ADARB2: variants seen among roughly 807,000 people sequenced by gnomAD.
ADARB2 encodes the protein inactive double-stranded RNA-specific editase B2.
A neutral mutation model predicts 62.2 loss-of-function variants in ADARB2; 25 were observed. The ratio of observed to expected loss-of-function variants is 0.40; its 90% CI spans 0.29 to 0.56. The LOEUF (loss-of-function observed/expected upper bound fraction) is 0.56. ADARB2 is among the 20% of genes least tolerant of loss of function. The pLI is 0.43. For missense variants in ADARB2, 1,071 were observed against 1,077.4 expected, an observed-to-expected ratio of 0.99 and a Z score of 0.08; for synonymous variants, 572 against 500.8, an observed-to-expected ratio of 1.14 and a Z score of -1.90.
intron 1 of ADARB2, among the ~76,000 whole-genome samples, chr10:1,527,832 G>A (rs1832168774): frequency 6.6e-6 from 1 of 152,154 alleles, no homozygotes; most frequent in Non-Finnish European, 1.5e-5. Context: ...AGGGGAGAGG[G>A]GCCCAGCTGC....
chr10:1,400,643 G>A (rs370678453), intron 1 of ADARB2, among the ~76,000 whole-genome samples: 2 of 152,284 alleles, frequency 1.3e-5, no homozygotes, highest in African/African-American at 4.8e-5. Context: ...CTGCCAGCCC[G>A]TGCTCCTCCT....
chr10:1,274,060 C>T (rs920546628), intron 3 of ADARB2, among the ~76,000 whole-genome samples: 3 of 152,240 alleles, frequency 2.0e-5, no homozygotes, highest in Non-Finnish European at 2.9e-5. Context: ...AAAGCCTTGT[C>T]CAAAGCTGAT....
chr10:1,543,587 C>T lies in ADARB2; in HGVS notation c.101-164427G>A, dbSNP rs902571333. Among the ~76,000 whole-genome samples the T allele has an allele frequency of 5.9e-5, 9 of 152,138 alleles. 1 individual carries two copies. The highest frequency in any genetic ancestry group is 3.9e-4 in the Admixed American group (6 of 15,278). On this transcript the variant is annotated intron_variant, in intron 1 of 9. Transcript: ENST00000381312. ...GCTATTGGCGTCTCCCACACACCCTCGCAGATGAAGAGATTTCAACTGGAA... is the reference window on the plus strand; with the variant it reads ...GCTATTGGCGTCTCCCACACACCCTTGCAGATGAAGAGATTTCAACTGGAA...
intron 3 of ADARB2, among the ~76,000 whole-genome samples, chr10:1,328,996 TAAAA>T (rs376461606): frequency 1.3e-5 from 1 of 75,678 alleles, no homozygotes; most frequent in Non-Finnish European, 2.4e-5. Context: ...GACCCTGTCT[TAAAA>T]AAAAAAAAAA....
At chr10:1,649,813 C>G (rs1351961027) in intron 1 of ADARB2, among the ~76,000 whole-genome samples, 3 of 152,208 alleles carry the variant, frequency 2.0e-5, no homozygotes, top group Non-Finnish European at 4.4e-5. Context: ...TGTATCTATT[C>G]AGGCAGAGGA....
At chr10:1,482,254 G>A (rs1236185428) in intron 1 of ADARB2, among the ~76,000 whole-genome samples, 2 of 152,210 alleles carry the variant, frequency 1.3e-5, no homozygotes, top group Admixed American at 1.3e-4. Context: ...ATAATTGAAA[G>A]TGGGGCTAGA....
At chr10:1,392,881 A>C (rs1832582276) in intron 1 of ADARB2, among the ~76,000 whole-genome samples, 1 of 152,182 alleles carries the variant, frequency 6.6e-6, no homozygotes, top group Non-Finnish European at 1.5e-5. Context: ...TTCATGCTGA[A>C]GTCTAACCCC....
At chr10:1,603,099 CA>C (rs1211786441) in intron 1 of ADARB2, among the ~76,000 whole-genome samples, 2 of 77,840 alleles carry the variant, frequency 2.6e-5, no homozygotes, top group African/African-American at 3.8e-5. Flanking sequence ...ATACACACAT[CA>C]ACACACACAC....
chr10:1,471,105 C>T (rs1205604936), intron 1 of ADARB2, among the ~76,000 whole-genome samples: 1 of 152,108 alleles, frequency 6.6e-6, no homozygotes, highest in Non-Finnish European at 1.5e-5. Context: ...TTCTTAACAG[C>T]CTGGCAACCT....
chr10:1,474,001 CG>C (rs1831363239), intron 1 of ADARB2, among the ~76,000 whole-genome samples: 1 of 5,718 alleles, frequency 1.7e-4, no homozygotes, highest in South Asian at 7.5e-3. Context: ...CCCCGGATCA[CG>C]GGGGAGCCCT....
At chr10:1,651,864 G>T (rs950671092) in intron 1 of ADARB2, among the ~76,000 whole-genome samples, 8 of 152,142 alleles carry the variant, frequency 5.3e-5, no homozygotes, top group African/African-American at 1.7e-4. Context: ...ACCCAGGGTT[G>T]GTTCCCAGTG....
intron 8 of ADARB2, chr10:1,199,634 TGGGCAGGTG>T (rs1405426987): frequency 7.9e-6 from 2 of 252,114 alleles, no homozygotes; most frequent in African/African-American, 4.6e-5. Flanking sequence ...GGTGGGCAGG[TGGGCAGGTG>T]GGCGGCCAGG....
chr10:1,571,795 G>A (rs1013214901), intron 1 of ADARB2, among the ~76,000 whole-genome samples: 2 of 70,632 alleles, frequency 2.8e-5, no homozygotes, highest in African/African-American at 1.9e-4. Flanking sequence ...ATATGCTGGT[G>A]AGTGGACAGG....
intron 4 of ADARB2, among the ~76,000 whole-genome samples, chr10:1,247,707 A>T (rs1442387931): frequency 6.6e-6 from 1 of 152,198 alleles, no homozygotes; most frequent in Non-Finnish European, 1.5e-5. Flanking sequence ...CAGCATTCAG[A>T]TAAACACGCT....
At chr10:1,705,789 T>C (rs2119145907) in intron 1 of ADARB2, among the ~76,000 whole-genome samples, 1 of 152,270 alleles carries the variant, frequency 6.6e-6, no homozygotes, top group Admixed American at 6.5e-5. Flanking sequence ...TCCGCCTCTG[T>C]GGATAATGAC....
At chr10:1,214,685 T>G (rs2131752382) in intron 7 of ADARB2, among the ~76,000 whole-genome samples, 1 of 152,388 alleles carries the variant, frequency 6.6e-6, no homozygotes, top group East Asian at 1.9e-4. Flanking sequence ...AGAGTAAATT[T>G]AGAAACCCAA....
At chr10:1,676,354 G>T (rs1564365194) in intron 1 of ADARB2, among the ~76,000 whole-genome samples, 1 of 151,972 alleles carries the variant, frequency 6.6e-6, no homozygotes, top group Non-Finnish European at 1.5e-5. Flanking sequence ...AGATAGTCCT[G>T]GCTTGTGAAC....
At chr10:1,268,043 G>C (rs1310679071) in intron 4 of ADARB2, among the ~76,000 whole-genome samples, 5 of 152,208 alleles carry the variant, frequency 3.3e-5, no homozygotes, top group African/African-American at 1.2e-4. Flanking sequence ...GCACAGAACA[G>C]GGAGTGAAAC....
At chr10:1,247,661 G>A (rs576544772) in intron 4 of ADARB2, among the ~76,000 whole-genome samples, 155 of 152,270 alleles carry the variant, frequency 1.0e-3, no homozygotes, top group African/African-American at 3.6e-3. Context: ...TGAAGACTGC[G>A]AGCAAAAACG....
Sources: gnomAD v4.1 joint callset for allele counts (sites outside exome capture counted in the v4.1 genomes callset) on GRCh38, gnomAD v4.1.1 for gene constraint, MANE v1.5 for transcripts, NCBI Gene and HGNC (gene_info 2026-07-23, HGNC 2026-07-21) for gene names.